Variants in CACNG2 observed in about 807,000 individuals in gnomAD.
CACNG2 encodes voltage-dependent calcium channel gamma-2 subunit.
In CACNG2, 3 loss-of-function variants were observed where a neutral mutation model predicts 25.9. The observed-to-expected ratio is 0.12, with a 90% CI of 0.05 to 0.30. CACNG2 has a LOEUF of 0.30. Ranked by LOEUF, CACNG2 falls within the 10% of genes least tolerant of loss-of-function variation. The probability of loss-of-function intolerance (pLI) is 1.00; values close to 1 mark genes in which losing one functional copy is unlikely to be tolerated. For missense variants in CACNG2, 341 were observed against 432.5 expected (o/e 0.79, Z 1.88); for synonymous variants, 167 against 173.3 (o/e 0.96, Z 0.29).
intron 2 of CACNG2, among the ~76,000 whole-genome samples, chr22:36,566,805 C>T (rs67656940): frequency 0.082 from 12,479 of 152,278 alleles, 573 homozygotes; most frequent in African/African-American, 0.12. Context: ...CTCTCTCGTC[C>T]CACCACATCA....
intron 1 of CACNG2, among the ~76,000 whole-genome samples, chr22:36,667,458 C>T (rs879407891): frequency 1.3e-5 from 2 of 152,162 alleles, no homozygotes; most frequent in Non-Finnish European, 2.9e-5. Context: ...ACTTTCTGAC[C>T]ACCCCCCACT....
intron 2 of CACNG2, among the ~76,000 whole-genome samples, chr22:36,581,705 G>C (rs1935421735): frequency 6.6e-6 from 1 of 152,134 alleles, no homozygotes; most frequent in Admixed American, 6.5e-5. Context: ...TTAGTGTCTG[G>C]GCTTCTCCCC....
chr22:36,674,931 G>T (rs1937001937), intron 1 of CACNG2, among the ~76,000 whole-genome samples: 1 of 152,236 alleles, frequency 6.6e-6, no homozygotes, highest in African/African-American at 2.4e-5. Flanking sequence ...TCAAAGGATT[G>T]TTGTGAAGAT....
At position 36,564,690 on chromosome 22, in the gene CACNG2, C is replaced by T. The variant is rs1935096357; in HGVS notation, c.633G>A (p.Thr211=). Residue 211 remains threonine (T), a synonymous_variant, in exon 4 of 4, where the codon ACG becomes ACA. Transcript: ENST00000300105. This position sits in a 1 kb window ranked among gnomAD's most constrained non-coding sequence, Gnocchi z 6.7. The part of the protein sequence containing the change: ...FIDRHKQLRA[T]ARATDYLQAS... ...CCTGGAGGTAGTCCGTGGCGCGGGC[C>T]GTGGCCCGCAGCTGTTTGTGCCGGT... 2 of 1,613,996 alleles carry T rather than the reference C, an allele frequency of 1.2e-6. No individual in the cohort carries two copies. Among genetic ancestry groups the T allele is most frequent in the Non-Finnish European group, 1.7e-6 (2 of 1,180,012 alleles).
chr22:36,651,942 C>T (rs1278975285), intron 1 of CACNG2, among the ~76,000 whole-genome samples: 1 of 152,162 alleles, frequency 6.6e-6, no homozygotes, highest in Admixed American at 6.5e-5. Flanking sequence ...CGGCTCACTG[C>T]AACCTCCGTC....
intron 1 of CACNG2, among the ~76,000 whole-genome samples, chr22:36,615,688 C>T (rs948865395): frequency 3.9e-5 from 6 of 152,140 alleles, no homozygotes; most frequent in East Asian, 1.9e-4. Context: ...TCCACGAGGG[C>T]GGGGCTTTGC....
intron 1 of CACNG2, among the ~76,000 whole-genome samples, chr22:36,619,816 G>T (rs1008844440): frequency 6.6e-6 from 1 of 152,210 alleles, no homozygotes. Context: ...TCTTCCTAAG[G>T]TAAAAGATTT....
chr22:36,640,348 A>G (rs1280169141), intron 1 of CACNG2, among the ~76,000 whole-genome samples: 1 of 152,164 alleles, frequency 6.6e-6, no homozygotes, highest in East Asian at 1.9e-4. Context: ...GGCTGGAGGG[A>G]GATTACAAGG....
rs150030500 is a variant in CACNG2, at chr22:36,678,193, G to A, written c.211+24173C>T. Among the ~76,000 whole-genome samples, 717 of 152,294 alleles carry A rather than the reference G, an allele frequency of 4.7e-3. 3 individuals are homozygous for A. Among genetic ancestry groups the A allele is most frequent in the Middle Eastern group, 0.01 (3 of 294 alleles). On this transcript the variant is annotated intron_variant, in intron 1 of 3. Coordinates refer to ENST00000300105, the MANE Select transcript of CACNG2 (RefSeq NM_006078.5). ...TGATGGAATGGTTATCTTCCCAAACGCCAATTTGTGTTGGTTTGCAAAGTG... is the reference window on the plus strand; with the variant it reads ...TGATGGAATGGTTATCTTCCCAAACACCAATTTGTGTTGGTTTGCAAAGTG...
chr22:36,636,317 G>A (rs981780192), intron 1 of CACNG2, among the ~76,000 whole-genome samples: 9 of 151,884 alleles, frequency 5.9e-5, no homozygotes, highest in African/African-American at 1.9e-4. Context: ...CCCCAAATGC[G>A]CCAGTGCCAG....
At position 36,589,892 on chromosome 22, in the gene CACNG2, A is replaced by G. The variant is rs146406131; in HGVS notation, c.212-2344T>C. ...AGGATAACAAATTCTCCCTATTGTT[A>G]AAATTACAAATCAGTGTATTTGAAA... On this transcript the variant is annotated intron_variant, in intron 1 of 3. Coordinates refer to ENST00000300105, the MANE Select transcript of CACNG2 (RefSeq NM_006078.5). Among the ~76,000 whole-genome samples, 440 of 152,364 alleles carry G rather than the reference A, an allele frequency of 2.9e-3. 4 individuals are homozygous for G. Among genetic ancestry groups the G allele is most frequent in the African/African-American group, 8.9e-3 (370 of 41,594 alleles).
chr22:36,584,110 T>A (rs1020298934), intron 2 of CACNG2, among the ~76,000 whole-genome samples: 3 of 151,902 alleles, frequency 2.0e-5, no homozygotes, highest in Non-Finnish European at 4.4e-5. Context: ...CACTGGCCCC[T>A]CCCCCATCAC....
At chr22:36,610,743 G>A (rs1935927190) in intron 1 of CACNG2, among the ~76,000 whole-genome samples, 2 of 152,324 alleles carry the variant, frequency 1.3e-5, no homozygotes, top group African/African-American at 4.8e-5. Context: ...GAGAGAAGTT[G>A]CAGCTGATCC....
chr22:36,564,325 C>T lies in CACNG2; in HGVS notation c.*26G>A, dbSNP rs1935087179. On this transcript the variant is annotated 3_prime_UTR_variant, in exon 4 of 4. Transcript: ENST00000300105. The surrounding 1 kb of genome is among the most constrained non-coding windows in gnomAD (Gnocchi z 6.7). ...CCCCGGGGACCGCGCCCTCCTCCCG[C>T]GGTCTTCTGGCGAGGCCCGCGGTCT... 1 of 1,597,280 alleles carries T rather than the reference C, an allele frequency of 6.3e-7. No homozygotes were observed. Among genetic ancestry groups the T allele is most frequent in the Non-Finnish European group, 8.5e-7 (1 of 1,171,974 alleles).
At chr22:36,581,375 C>T (rs1365843454) in intron 2 of CACNG2, among the ~76,000 whole-genome samples, 3 of 152,150 alleles carry the variant, frequency 2.0e-5, no homozygotes, top group South Asian at 2.1e-4. Flanking sequence ...TTCATTCATT[C>T]GTCCATCAGA....
intron 1 of CACNG2, among the ~76,000 whole-genome samples, chr22:36,623,755 TAAC>T (rs1345400739): frequency 1.3e-5 from 2 of 151,874 alleles, no homozygotes; most frequent in African/African-American, 4.8e-5. Context: ...ATGATAATGA[TAAC>T]TACTATTAGT....
At chr22:36,621,896 T>C (rs1936111364) in intron 1 of CACNG2, among the ~76,000 whole-genome samples, 1 of 152,216 alleles carries the variant, frequency 6.6e-6, no homozygotes. Flanking sequence ...CTTGTAGGTT[T>C]GCGAGACAAA....
intron 1 of CACNG2, among the ~76,000 whole-genome samples, chr22:36,672,104 A>G (rs1270323732): frequency 6.6e-6 from 1 of 152,088 alleles, no homozygotes; most frequent in Non-Finnish European, 1.5e-5. Context: ...GGGTTGCTAT[A>G]GCTACACAGA....
chr22:36,636,896 G>C (rs919442565), intron 1 of CACNG2, among the ~76,000 whole-genome samples: 1 of 152,186 alleles, frequency 6.6e-6, no homozygotes, highest in Non-Finnish European at 1.5e-5. Context: ...GAAGAAGCTG[G>C]GCTTTGAATC....
Sources: allele counts gnomAD v4.1 joint callset (sites outside exome capture counted in the v4.1 genomes callset), GRCh38; gene constraint gnomAD v4.1.1; non-coding constraint Gnocchi (gnomAD v3.1); transcripts MANE v1.5; gene names NCBI Gene and HGNC (gene_info 2026-07-23, HGNC 2026-07-21).